Variants in ATP6V0D1 observed in about 807,000 individuals in gnomAD.
The protein encoded by ATP6V0D1 is V-type proton ATPase subunit d 1.
Under a neutral mutation model 39.0 loss-of-function variants are expected in ATP6V0D1, and 13 were observed. The ratio of observed to expected loss-of-function variants is 0.33; its 90% CI spans 0.22 to 0.53. The LOEUF is 0.53. Ranked by LOEUF, ATP6V0D1 falls within the 20% of genes least tolerant of loss-of-function variation. The pLI is 0.94. For missense variants in ATP6V0D1, 272 were observed against 470.9 expected, an observed-to-expected ratio of 0.58 and a Z score of 3.91; for synonymous variants, 191 against 191.2, an observed-to-expected ratio of 1.00 and a Z score of 0.01.
intron 1 of ATP6V0D1, among the ~76,000 whole-genome samples, chr16:67,472,745 C>T (rs2041383652): frequency 6.6e-6 from 1 of 152,066 alleles, no homozygotes; most frequent in Non-Finnish European, 1.5e-5. Flanking sequence ...TGGCGGGTGC[C>T]TGTAGTGCCA....
chr16:67,473,492 G>T (rs942830581), intron 1 of ATP6V0D1, among the ~76,000 whole-genome samples: 3 of 151,764 alleles, frequency 2.0e-5, no homozygotes, highest in Non-Finnish European at 2.9e-5. Flanking sequence ...GAGGTTACAG[G>T]TGCCCGCCAC....
intron 2 of ATP6V0D1, chr16:67,452,251 AG>A: frequency 6.5e-7 from 1 of 1,535,456 alleles, no homozygotes; most frequent in Non-Finnish European, 8.7e-7. Context: ...GATGGAGGCC[AG>A]GGCAGCAAGG....
At chr16:67,450,994 G>T (rs985907107) in intron 2 of ATP6V0D1, among the ~76,000 whole-genome samples, 1 of 152,220 alleles carries the variant, frequency 6.6e-6, no homozygotes, top group African/African-American at 2.4e-5. Context: ...GGAGGCTGGG[G>T]GCAGGAGAGC....
chr16:67,463,103 C>T (rs966346976), intron 1 of ATP6V0D1, among the ~76,000 whole-genome samples: 3 of 152,132 alleles, frequency 2.0e-5, no homozygotes. Flanking sequence ...TAGAGCCAGC[C>T]CAAAGGAGAA....
intron 1 of ATP6V0D1, among the ~76,000 whole-genome samples, chr16:67,463,087 G>A (rs116034595): frequency 7.9e-5 from 12 of 152,190 alleles, no homozygotes; most frequent in Non-Finnish European, 1.2e-4. Context: ...CCAGTTCCAC[G>A]GTGCCTAGAG....
In ATP6V0D1 at chr16:67,456,542, G is replaced by A. The variant is rs536580542; in HGVS notation, c.131-2827C>T. 11 of 152,384 alleles carry A rather than the reference G, an allele frequency of 7.2e-5. No homozygotes were observed. Among genetic ancestry groups the A allele is most frequent in the Non-Finnish European group, 1.6e-4 (11 of 68,044 alleles). 9.4% of individuals were successfully genotyped at this position (152,384 alleles called of 1,614,324 possible). A position where few individuals can be genotyped will look rare whatever the true frequency, so the allele number is the denominator to read the frequency against. ...AAGCTGCAGAGCGGATGGCAGCTGGGAGCCAAGACTGGAATACAGTTCTCT... is the reference window on the plus strand; with the variant it reads ...AAGCTGCAGAGCGGATGGCAGCTGGAAGCCAAGACTGGAATACAGTTCTCT... On this transcript the variant is annotated intron_variant, in intron 1 of 7. Coordinates refer to ENST00000290949, the MANE Select transcript of ATP6V0D1 (RefSeq NM_004691.5). The surrounding 1 kb of genome is among the most constrained non-coding windows in gnomAD (Gnocchi z 4.1).
chr16:67,469,947 T>C (rs1342465649), intron 1 of ATP6V0D1, among the ~76,000 whole-genome samples: 1 of 152,216 alleles, frequency 6.6e-6, no homozygotes, highest in East Asian at 1.9e-4. Flanking sequence ...TCTGGTAGTC[T>C]ACCAAGATGA....
chr16:67,461,756 G>A (rs1283867114), intron 1 of ATP6V0D1, among the ~76,000 whole-genome samples: 1 of 152,190 alleles, frequency 6.6e-6, no homozygotes, highest in African/African-American at 2.4e-5. Context: ...AGATGGTCCA[G>A]CTGACACCAG....
rs1288329413 is a variant in ATP6V0D1, at chr16:67,438,226, GA to G, written c.*301del. On this transcript the variant is annotated 3_prime_UTR_variant, in exon 8 of 8. Transcript: ENST00000290949. ...AGGTCAGGGAGTTAGGGAGGAACAT[GA>G]AAGTGACATGCTTCTTAGATACATC... is the stretch of plus-strand genomic sequence containing the variant. 4 of 396,624 alleles carry G rather than the reference GA, an allele frequency of 1.0e-5. No homozygotes were observed. The highest frequency in any genetic ancestry group is 2.0e-5 in the African/African-American group (1 of 48,820). The allele number at this position is 396,624 out of a possible 1,614,324, so 24.6% of individuals were successfully genotyped here.
At chr16:67,466,326 TACACACACACACACACACACACAC>T (rs536624557) in intron 1 of ATP6V0D1, among the ~76,000 whole-genome samples, 152 of 120,578 alleles carry the variant, frequency 1.3e-3, no homozygotes, top group African/African-American at 3.3e-3. Flanking sequence ...AGTAAACACA[TACACACACACACACACACACACAC>T]ACACACACAC....
intron 1 of ATP6V0D1, among the ~76,000 whole-genome samples, chr16:67,466,328 C>T (rs1213529954): frequency 2.3e-4 from 3 of 12,914 alleles, no homozygotes; most frequent in African/African-American, 9.9e-4. Flanking sequence ...TAAACACATA[C>T]ACACACACAC....
intron 2 of ATP6V0D1, chr16:67,452,300 C>A (rs1204301358): frequency 6.5e-7 from 1 of 1,535,602 alleles, no homozygotes; most frequent in Admixed American, 2.0e-5. Context: ...CAGGAGAGGG[C>A]CTGCTTCCTA....
chr16:67,458,096 C>T (rs530194728), intron 1 of ATP6V0D1, among the ~76,000 whole-genome samples: 1 of 152,196 alleles, frequency 6.6e-6, no homozygotes, highest in African/African-American at 2.4e-5. Flanking sequence ...CCTCAGCTCA[C>T]CCATGAGGAG....
At chr16:67,450,254 G>A (rs1270558669) in intron 2 of ATP6V0D1, among the ~76,000 whole-genome samples, 1 of 152,184 alleles carries the variant, frequency 6.6e-6, no homozygotes, top group Non-Finnish European at 1.5e-5. Context: ...GGTGCACCAT[G>A]CTCGCTACTC....
intron 1 of ATP6V0D1, among the ~76,000 whole-genome samples, chr16:67,461,332 C>G (rs2041287846): frequency 6.6e-6 from 1 of 152,182 alleles, no homozygotes; most frequent in African/African-American, 2.4e-5. Context: ...GGCTCAAGAG[C>G]CGGGGCTTCT....
intron 1 of ATP6V0D1, among the ~76,000 whole-genome samples, chr16:67,461,489 G>C (rs773106996): frequency 6.6e-6 from 1 of 152,316 alleles, no homozygotes; most frequent in East Asian, 1.9e-4. Flanking sequence ...CAGGTAGGAG[G>C]TAGTATAGCC....
chr16:67,479,516 A>G (rs1471332112), intron 1 of ATP6V0D1, among the ~76,000 whole-genome samples: 1 of 151,726 alleles, frequency 6.6e-6, no homozygotes, highest in Non-Finnish European at 1.5e-5. Flanking sequence ...CCTGGCCTGT[A>G]CTGCAGATTT....
intron 4 of ATP6V0D1, among the ~76,000 whole-genome samples, 197 bp downstream of exon 4, chr16:67,442,902 G>C (rs1005229779): frequency 3.3e-5 from 5 of 152,176 alleles, no homozygotes; most frequent in Non-Finnish European, 7.4e-5. Flanking sequence ...CCCGTCACAG[G>C]CACTATGGGA....
At position 67,444,627 on chromosome 16, in the gene ATP6V0D1, TG is replaced by T; in HGVS notation, c.381del (p.Lys128SerfsTer5). The stretch of plus-strand genomic sequence containing the variant: ...TCGAAGCTGCCTAGTGGGTGGCACT[TG>T]GGCACGAGCTCAGCGATGGAGCGCT... ...LHQRSIAELV[P>X]KCHPLGSFEQ... is the part of the protein sequence containing the mutation. On this transcript the variant is annotated frameshift_variant, in exon 3 of 8. Coordinates refer to ENST00000290949, the MANE Select transcript of ATP6V0D1 (RefSeq NM_004691.5). LOFTEE classifies it high-confidence loss of function. This position sits in a 1 kb window ranked among gnomAD's most constrained non-coding sequence, Gnocchi z 4.8. 6.2e-7 allele frequency: 1 copy of T among 1,613,608 alleles called. No individual in the cohort carries two copies. The highest frequency in any genetic ancestry group is 8.5e-7 in the Non-Finnish European group (1 of 1,179,696).
Sources: allele counts gnomAD v4.1 joint callset (sites outside exome capture counted in the v4.1 genomes callset), GRCh38; gene constraint gnomAD v4.1.1; non-coding constraint Gnocchi (gnomAD v3.1); transcripts MANE v1.5; gene names NCBI Gene and HGNC (gene_info 2026-07-23, HGNC 2026-07-21).